Variants in NDST1 observed in about 807,000 individuals in gnomAD.
The protein encoded by NDST1 is bifunctional heparan sulfate N-deacetylase/N-sulfotransferase 1.
Under a neutral mutation model 92.8 loss-of-function variants are expected in NDST1, and 35 were observed. The ratio of observed to expected loss-of-function variants is 0.38; its 90% CI spans 0.29 to 0.50. The LOEUF (loss-of-function observed/expected upper bound fraction) is 0.50, where lower values mean the gene tolerates loss of function less well. Among genes scored for constraint, NDST1 ranks in the 20% least tolerant of loss-of-function variants. The pLI is 0.94. For missense variants in NDST1, 822 were observed against 1,182.7 expected (o/e 0.69, Z 4.47); for synonymous variants, 493 against 500.3 (o/e 0.99, Z 0.19).
At position 150,540,157 on chromosome 5, in the gene NDST1, C is replaced by T. The variant is rs1219286910; in HGVS notation, c.1642C>T (p.Arg548Cys). The change falls in exon 8 of 15, where the codon CGC (arginine) becomes TGC (cysteine). Residue 548 changes from arginine to cysteine, a missense_variant. Transcript: ENST00000261797. ...CCTGTACACCTTCAAGCACCTGGTG[C>T]GCTTCCTGCACTCCTGGACGAACCT... ...LGLYTFKHLV[R>C]FLHSWTNLRL... 5 of 1,614,102 alleles carry T rather than the reference C, an allele frequency of 3.1e-6. No individual in the cohort carries two copies. The highest frequency in any genetic ancestry group is 4.2e-6 in the Non-Finnish European group (5 of 1,180,052).
chr5:150,545,610 G>A (rs1378325197), intron 11 of NDST1, 124 bp downstream of exon 11: 26 of 1,262,970 alleles, frequency 2.1e-5, no homozygotes, highest in African/African-American at 6.0e-5. Flanking sequence ...TGAGCCAGGC[G>A]CCTGGAGCGT....
chr5:150,534,119 C>T (rs567359303), intron 4 of NDST1, among the ~76,000 whole-genome samples: 7 of 150,582 alleles, frequency 4.6e-5, no homozygotes, highest in African/African-American at 1.7e-4. Context: ...TTTTTAGAGA[C>T]GGGACCTCTC....
chr5:150,529,756 C>T (rs1754638352), intron 3 of NDST1, among the ~76,000 whole-genome samples: 1 of 152,194 alleles, frequency 6.6e-6, no homozygotes, highest in Non-Finnish European at 1.5e-5. Flanking sequence ...ATATTAGCAC[C>T]AAACCCAGGC....
At chr5:150,523,838 G>T (rs993772699) in intron 2 of NDST1, among the ~76,000 whole-genome samples, 9 of 152,214 alleles carry the variant, frequency 5.9e-5, no homozygotes, top group South Asian at 4.1e-4. Flanking sequence ...CGTGGGGCCA[G>T]TGGTAATTCC....
intron 1 of NDST1, among the ~76,000 whole-genome samples, chr5:150,508,566 A>C (rs1753573040): frequency 6.6e-6 from 1 of 152,200 alleles, no homozygotes. Context: ...AGGCATGTCC[A>C]CAAATCCACC....
chr5:150,512,771 T>C (rs552212938), intron 1 of NDST1, among the ~76,000 whole-genome samples: 2 of 152,370 alleles, frequency 1.3e-5, no homozygotes, highest in African/African-American at 4.8e-5. Context: ...GCCTCATCTC[T>C]CTTTGTCTTG....
At chr5:150,506,284 A>AT (rs35384369), upstream of NDST1, among the ~76,000 whole-genome samples, 185 of 151,334 alleles carry the variant, frequency 1.2e-3, no homozygotes, top group Non-Finnish European at 1.9e-3. Context: ...AATTTTTGTA[A>AT]TTTTTTTTTG....
At chr5:150,544,339 A>G (rs1467778981) in intron 10 of NDST1, among the ~76,000 whole-genome samples, 1 of 151,944 alleles carries the variant, frequency 6.6e-6, no homozygotes, top group African/African-American at 2.4e-5. Flanking sequence ...CTACAAACCT[A>G]GGAAACAAAG....
At position 150,553,439 on chromosome 5, in the gene NDST1, T is replaced by TA; in HGVS notation, c.*108dup. Reference sequence around the variant, plus strand: ...AGCTGGACCAGGGCAGCTGCGCACTTATGAGCAATACTCTGTGGAGGTCTG... The same window carrying TA: ...AGCTGGACCAGGGCAGCTGCGCACTTAATGAGCAATACTCTGTGGAGGTCTG... On this transcript the variant is annotated 3_prime_UTR_variant, in exon 15 of 15. Coordinates refer to ENST00000261797, the MANE Select transcript of NDST1 (RefSeq NM_001543.5). This position sits in a 1 kb window ranked among gnomAD's most constrained non-coding sequence, Gnocchi z 4.2. 6.9e-7 allele frequency: 1 copy of TA among 1,442,216 alleles called. No homozygotes were observed. The highest frequency in any genetic ancestry group is 2.0e-4 in the Middle Eastern group (1 of 5,122). 89.3% of individuals were successfully genotyped at this position (1,442,216 alleles called of 1,614,324 possible). A position where few individuals can be genotyped will look rare whatever the true frequency, so the allele number is the denominator to read the frequency against.
At chr5:150,505,325 A>G (rs922142343), upstream of NDST1, among the ~76,000 whole-genome samples, 13 of 152,172 alleles carry the variant, frequency 8.5e-5, no homozygotes, top group Admixed American at 4.6e-4. Context: ...TGGGAGGTGC[A>G]AAGAGCTGAT....
Position 150,539,252 on chromosome 5 carries a change from C to G in NDST1, c.1462C>G (p.Leu488Val), listed in dbSNP as rs745867567. The change falls in exon 7 of 15, where the codon CTC (leucine) becomes GTC (valine). Residue 488 changes from leucine (L) to valine (V), a missense_variant. By Grantham distance (32) the Leu-to-Val change is conservative. Transcript: ENST00000261797. ...IMVLPRQTCG[L>V]FTHTIFYNEY... ...GGTTCTCCCACGGCAGACCTGCGGC[C>G]TCTTCACACACACCATCTTCTACAA... 6.2e-7 allele frequency: 1 copy of G among 1,614,214 alleles called. No individual in the cohort carries two copies. The highest frequency in any genetic ancestry group is 1.7e-5 in the Admixed American group (1 of 60,030).
At chr5:150,533,509 C>T (rs868548840) in intron 4 of NDST1, among the ~76,000 whole-genome samples, 7 of 152,028 alleles carry the variant, frequency 4.6e-5, no homozygotes, top group Admixed American at 1.3e-4. Flanking sequence ...TTGCTTGGTG[C>T]GCACTTTCCT....
intron 7 of NDST1, 190 bp downstream of exon 7, chr5:150,539,546 C>CT (rs368486461): frequency 1.7e-4 from 250 of 1,436,954 alleles, no homozygotes; most frequent in Admixed American, 7.0e-4. Flanking sequence ...TCCGAGCATG[C>CT]TTTTTTTTTC....
upstream of NDST1, among the ~76,000 whole-genome samples, chr5:150,504,958 G>C (rs1280362469): frequency 6.6e-6 from 1 of 152,188 alleles, no homozygotes; most frequent in African/African-American, 2.4e-5. Context: ...CAAACATTGT[G>C]TTCCTGTGTG....
intron 2 of NDST1, among the ~76,000 whole-genome samples, chr5:150,527,036 C>T (rs1754506578): frequency 6.6e-6 from 1 of 152,258 alleles, no homozygotes; most frequent in Admixed American, 6.5e-5. Flanking sequence ...CAGAAACCTC[C>T]TCTTTGAACA....
intron 3 of NDST1, among the ~76,000 whole-genome samples, chr5:150,532,327 G>A (rs1754780974): frequency 6.6e-6 from 1 of 152,158 alleles, no homozygotes. Flanking sequence ...ATGAAACCAA[G>A]GCCTAGAGGA....
intron 2 of NDST1, among the ~76,000 whole-genome samples, chr5:150,525,168 A>G (rs1295592134): frequency 1.3e-5 from 2 of 151,510 alleles, no homozygotes; most frequent in African/African-American, 4.9e-5. Context: ...AGGGATTTCC[A>G]CTGCTGTGGG....
intron 1 of NDST1, among the ~76,000 whole-genome samples, chr5:150,500,154 G>T (rs1050710203): frequency 5.9e-5 from 9 of 152,214 alleles, no homozygotes; most frequent in Admixed American, 3.9e-4. Flanking sequence ...TAGCTGAGAG[G>T]TTGCAATTGT....
At position 150,538,148 on chromosome 5, in the gene NDST1, G is replaced by A. The variant is rs149995761; in HGVS notation, c.1438-1080G>A. 3.8e-3 allele frequency among the ~76,000 whole-genome samples: 584 copies of A among 152,282 alleles called. 1 individual carries two copies. The highest frequency in any genetic ancestry group is 4.5e-3 in the African/African-American group (189 of 41,544). ...AACACAAGTGCAAAGGCCCTGAAGC[G>A]GGCTGTGCTGGCTGTGTTTGAAGGC... On this transcript the variant is annotated intron_variant, in intron 6 of 14. Coordinates refer to ENST00000261797, the MANE Select transcript of NDST1 (RefSeq NM_001543.5).
Sources: allele counts gnomAD v4.1 joint callset (sites outside exome capture counted in the v4.1 genomes callset), GRCh38; gene constraint gnomAD v4.1.1; non-coding constraint Gnocchi (gnomAD v3.1); transcripts MANE v1.5; gene names NCBI Gene and HGNC (gene_info 2026-07-23, HGNC 2026-07-21).